CD2AP: variants seen among roughly 807,000 people sequenced by gnomAD.
CD2AP encodes the protein CD2-associated protein.
Under a neutral mutation model 85.1 loss-of-function variants are expected in CD2AP, and 46 were observed. That is an observed-to-expected ratio of 0.54 (90% confidence interval 0.43 to 0.69). CD2AP has a LOEUF of 0.69. Ranked by LOEUF, CD2AP falls within the 30% of genes least tolerant of loss-of-function variation. The pLI is 0.00. For synonymous variants in CD2AP, 255 were observed against 252.9 expected, an observed-to-expected ratio of 1.01 and a Z score of -0.08; for missense variants, 769 against 729.5, an observed-to-expected ratio of 1.05 and a Z score of -0.62.
At chr6:47,619,825 G>T (rs1769699962) in intron 17 of CD2AP, among the ~76,000 whole-genome samples, 1 of 152,212 alleles carries the variant, frequency 6.6e-6, no homozygotes, top group African/African-American at 2.4e-5. Flanking sequence ...CATTAGTGAT[G>T]TTGAGCATTT....
intron 17 of CD2AP, among the ~76,000 whole-genome samples, chr6:47,619,241 A>C (rs1769680711): frequency 6.6e-6 from 1 of 152,068 alleles, no homozygotes; most frequent in African/African-American, 2.4e-5. Flanking sequence ...TCTTCAACTC[A>C]AGTCCCCAAA....
intron 16 of CD2AP, among the ~76,000 whole-genome samples, chr6:47,612,051 GAGAA>G (rs546092455): frequency 5.3e-5 from 8 of 152,160 alleles, no homozygotes; most frequent in Admixed American, 4.6e-4. Flanking sequence ...TTTAAAAATA[GAGAA>G]AGAAATTCAA....
At chr6:47,599,506 G>T in intron 13 of CD2AP, 63 bp downstream of exon 13, 4 of 1,414,540 alleles carry the variant, frequency 2.8e-6, no homozygotes, top group Non-Finnish European at 3.9e-6. Flanking sequence ...AACTCTTTAA[G>T]AGATATATTT....
chr6:47,602,728 GAA>G (rs778781978), intron 13 of CD2AP, among the ~76,000 whole-genome samples: 5 of 133,382 alleles, frequency 3.7e-5, no homozygotes, highest in South Asian at 2.4e-4. Flanking sequence ...TGTCTCTACA[GAA>G]AAAAAAAAAA....
At chr6:47,615,505 G>A (rs114393887) in intron 17 of CD2AP, among the ~76,000 whole-genome samples, 231 of 152,194 alleles carry the variant, frequency 1.5e-3, no homozygotes, top group African/African-American at 5.3e-3. Flanking sequence ...GGAAGTAGGA[G>A]CACACAGTTC....
chr6:47,543,388 C>G (rs1372532437), intron 3 of CD2AP, among the ~76,000 whole-genome samples: 1 of 152,022 alleles, frequency 6.6e-6, no homozygotes, highest in Non-Finnish European at 1.5e-5. Context: ...TTGAGAACCA[C>G]CTAGGGATCT....
At chr6:47,601,111 A>C (rs1169673380) in intron 13 of CD2AP, among the ~76,000 whole-genome samples, 1 of 151,874 alleles carries the variant, frequency 6.6e-6, no homozygotes, top group Non-Finnish European at 1.5e-5. Context: ...TAGTGTCACA[A>C]CACACTGCCA....
chr6:47,522,122 G>A (rs949103694), intron 2 of CD2AP, among the ~76,000 whole-genome samples: 5 of 152,166 alleles, frequency 3.3e-5, no homozygotes, highest in African/African-American at 1.2e-4. Flanking sequence ...ATAAAAGGGT[G>A]CAGAGTCCGA....
At chr6:47,581,237 C>T (rs1203812634) in intron 10 of CD2AP, among the ~76,000 whole-genome samples, 1 of 152,106 alleles carries the variant, frequency 6.6e-6, no homozygotes, top group Non-Finnish European at 1.5e-5. Context: ...TTGTTAATGT[C>T]TCAAATAATA....
chr6:47,485,042 C>T (rs899161680), intron 1 of CD2AP, among the ~76,000 whole-genome samples: 4 of 151,956 alleles, frequency 2.6e-5, no homozygotes, highest in Non-Finnish European at 2.9e-5. Context: ...TCAACAAACC[C>T]GCACTACCAG....
chr6:47,482,484 G>C (rs1236219443), intron 1 of CD2AP, among the ~76,000 whole-genome samples: 1 of 150,614 alleles, frequency 6.6e-6, no homozygotes, highest in Non-Finnish European at 1.5e-5. Context: ...GTTCAAGCAA[G>C]TCTCCTGCCT....
intron 5 of CD2AP, among the ~76,000 whole-genome samples, chr6:47,561,811 C>A (rs147074347): frequency 2.0e-5 from 3 of 152,096 alleles, no homozygotes; most frequent in Non-Finnish European, 4.4e-5. Context: ...GACGGAGTCT[C>A]GCTCTGTCAC....
At chr6:47,566,323 T>TATACACAC in intron 5 of CD2AP, among the ~76,000 whole-genome samples, 7 of 108,382 alleles carry the variant, frequency 6.5e-5, no homozygotes, top group South Asian at 7.0e-4. Context: ...TATATATATA[T>TATACACAC]ACACATACAC....
intron 17 of CD2AP, among the ~76,000 whole-genome samples, chr6:47,615,652 C>T (rs1019905263): frequency 7.9e-5 from 12 of 152,032 alleles, no homozygotes; most frequent in African/African-American, 2.9e-4. Flanking sequence ...ATCCAAATAC[C>T]TCTCACCTGG....
At chr6:47,503,210 A>G in intron 1 of CD2AP, 70 bp from the exon 2 acceptor site, 1 of 1,393,316 alleles carries the variant, frequency 7.2e-7, no homozygotes, top group Non-Finnish European at 1.0e-6. Flanking sequence ...TTAGTTTTAA[A>G]TTTATTAATA....
intron 9 of CD2AP, among the ~76,000 whole-genome samples, chr6:47,580,659 C>T (rs1193465986): frequency 6.6e-6 from 1 of 152,110 alleles, no homozygotes; most frequent in Non-Finnish European, 1.5e-5. Context: ...TGAATTTTGA[C>T]CAATGAGGCT....
intron 2 of CD2AP, among the ~76,000 whole-genome samples, chr6:47,505,832 G>A (rs1394915603): frequency 5.7e-5 from 7 of 122,116 alleles, no homozygotes; most frequent in Non-Finnish European, 1.2e-4. Context: ...TGGACGGCAC[G>A]GCTGTCCGGG....
chr6:47,620,275 A>G (rs762977929), intron 17 of CD2AP, among the ~76,000 whole-genome samples: 3 of 152,190 alleles, frequency 2.0e-5, no homozygotes, highest in Admixed American at 6.5e-5. Flanking sequence ...ATTCTCCTAC[A>G]TGCGGCTAGC....
At chr6:47,517,609 A>G (rs899112981) in intron 2 of CD2AP, among the ~76,000 whole-genome samples, 15 of 152,138 alleles carry the variant, frequency 9.9e-5, no homozygotes, top group Non-Finnish European at 8.8e-5. Context: ...TTTTTAAAAT[A>G]AATTACCCAG....
Sources: allele counts gnomAD v4.1 joint callset (sites outside exome capture counted in the v4.1 genomes callset), GRCh38; gene constraint gnomAD v4.1.1; transcripts MANE v1.5; gene names NCBI Gene and HGNC (gene_info 2026-07-23, HGNC 2026-07-21).